Variants in CNTN5 observed in about 807,000 individuals in gnomAD.
CNTN5 encodes the protein contactin-5.
In CNTN5, 77 loss-of-function variants were observed where a neutral mutation model predicts 129.1. The observed-to-expected ratio is 0.60, with a 90% CI of 0.50 to 0.72. The LOEUF is 0.72. Among genes scored for constraint, CNTN5 ranks in the 30% least tolerant of loss-of-function variants. The pLI is 0.00. For synonymous variants in CNTN5, 509 were observed against 465.6 expected, an observed-to-expected ratio of 1.09 and a Z score of -1.20; for missense variants, 1,478 against 1,328.8, an observed-to-expected ratio of 1.11 and a Z score of -1.75.
intron 1 of CNTN5, among the ~76,000 whole-genome samples, chr11:99,291,454 T>C (rs936848283): frequency 3.3e-5 from 5 of 151,932 alleles, no homozygotes; most frequent in African/African-American, 1.2e-4. Context: ...TTGTCTTTTC[T>C]AACTACCTTT....
chr11:100,228,377 C>T (rs146931748), intron 16 of CNTN5, among the ~76,000 whole-genome samples: 2 of 152,290 alleles, frequency 1.3e-5, no homozygotes, highest in East Asian at 3.9e-4. Flanking sequence ...TGTTGGGAGA[C>T]ATCTAACTGC....
intron 6 of CNTN5, among the ~76,000 whole-genome samples, chr11:99,894,107 A>T (rs1949135466): frequency 6.6e-6 from 1 of 152,012 alleles, no homozygotes; most frequent in Non-Finnish European, 1.5e-5. Context: ...TGCTATAGTG[A>T]CTGCTGTACT....
intron 6 of CNTN5, among the ~76,000 whole-genome samples, chr11:99,887,764 C>T (rs1240420676): frequency 6.6e-6 from 1 of 152,220 alleles, no homozygotes; most frequent in African/African-American, 2.4e-5. Flanking sequence ...GCGTCCAGCA[C>T]AGGAGAAAGA....
chr11:99,619,748 C>T (rs116786086), intron 3 of CNTN5, among the ~76,000 whole-genome samples: 3,776 of 152,068 alleles, frequency 0.025, 157 homozygotes, highest in African/African-American at 0.083. Flanking sequence ...ACAAAGCTGT[C>T]GGGCGTGGTG....
At chr11:100,198,998 C>T (rs550814051) in intron 15 of CNTN5, among the ~76,000 whole-genome samples, 5 of 152,018 alleles carry the variant, frequency 3.3e-5, no homozygotes, top group Non-Finnish European at 7.4e-5. Flanking sequence ...CTGAATAGAA[C>T]ATAGTAAGTG....
At chr11:99,676,444 G>T (rs566801139) in intron 3 of CNTN5, among the ~76,000 whole-genome samples, 1 of 152,212 alleles carries the variant, frequency 6.6e-6, no homozygotes, top group Admixed American at 6.5e-5. Context: ...CACATTATGG[G>T]ATTTTTCCAA....
intron 1 of CNTN5, among the ~76,000 whole-genome samples, chr11:99,210,725 T>C (rs964664616): frequency 2.7e-5 from 4 of 145,862 alleles, no homozygotes; most frequent in African/African-American, 1.0e-4. Context: ...ATGTTATGTT[T>C]AGCTGTTCCA....
rs566133158 is a variant in CNTN5, at chr11:100,334,193, T to C, written c.2731-6270T>C. On this transcript the variant is annotated intron_variant, in intron 21 of 24. Coordinates refer to ENST00000524871, the MANE Select transcript of CNTN5 (RefSeq NM_014361.4). Reference sequence around the variant, plus strand: ...CATATGGAAAAATGCTCAACATCACTAATGATCAGGGAAATACAAATCAAA... The same window carrying C: ...CATATGGAAAAATGCTCAACATCACCAATGATCAGGGAAATACAAATCAAA... Among the ~76,000 whole-genome samples, 3 of 152,276 alleles carry C rather than the reference T, an allele frequency of 2.0e-5. No individual in the cohort carries two copies. The East Asian group carries it at 5.8e-4, about 29-fold the overall frequency.
chr11:99,785,861 A>G (rs1164046228), intron 3 of CNTN5, among the ~76,000 whole-genome samples: 2 of 152,160 alleles, frequency 1.3e-5, no homozygotes, highest in Admixed American at 6.5e-5. Flanking sequence ...ATCTCAAAAT[A>G]ATAAGAGCTA....
intron 7 of CNTN5, among the ~76,000 whole-genome samples, chr11:99,921,993 T>C (rs988830228): frequency 6.6e-6 from 1 of 152,178 alleles, no homozygotes. Context: ...TGGGAAAATA[T>C]AGTCAAAAAA....
intron 2 of CNTN5, among the ~76,000 whole-genome samples, chr11:99,437,941 T>TCCATATATTAAAA (rs1943665614): frequency 2.6e-5 from 4 of 152,242 alleles, no homozygotes; most frequent in Admixed American, 2.0e-4. Context: ...CTAATGTATT[T>TCCATATATTAAAA]TCCATATATT....
Position 99,463,166 on chromosome 11 carries a change from C to T in CNTN5, c.-70-92979C>T, listed in dbSNP as rs1241450270. Among the ~76,000 whole-genome samples, 5 of 111,052 alleles carry T rather than the reference C, an allele frequency of 4.5e-5. No individual in the cohort carries two copies. The South Asian group carries it at 8.9e-4, about 20-fold the overall frequency. The allele number at this position is 111,052 out of a possible 152,430, so 72.9% of individuals were successfully genotyped here. On this transcript the variant is annotated intron_variant, in intron 2 of 24. Transcript: ENST00000524871. Reference sequence around the variant, plus strand: ...AAATAAAAGTAAAAAAGTCCAGGCGCGGTGACTCATGCCTGTAATCCCAGC... The same window carrying T: ...AAATAAAAGTAAAAAAGTCCAGGCGTGGTGACTCATGCCTGTAATCCCAGC...
rs141800639 is a variant in CNTN5 at position 100,182,505 on chromosome 11, G to C, written c.1581-8621G>C. On this transcript the variant is annotated intron_variant, in intron 13 of 24. Coordinates refer to ENST00000524871, the MANE Select transcript of CNTN5 (RefSeq NM_014361.4). ...AATATCATCACATTGGCAATTAGAG[G>C]CTTATCATATGAATTTGAGGCAGAC... Among the ~76,000 whole-genome samples the C allele has an allele frequency of 1.6e-3, 236 of 152,040 alleles. 1 individual carries two copies. The highest frequency in any genetic ancestry group is 5.6e-3 in the African/African-American group (231 of 41,494).
At chr11:99,504,527 C>A (rs192991719) in intron 2 of CNTN5, among the ~76,000 whole-genome samples, 1,214 of 94,286 alleles carry the variant, frequency 0.013, 12 homozygotes, top group Non-Finnish European at 0.018. Context: ...CAGACTCCGT[C>A]TCAAAAAAAA....
chr11:99,439,031 A>G (rs889783400), intron 2 of CNTN5, among the ~76,000 whole-genome samples: 1 of 152,252 alleles, frequency 6.6e-6, no homozygotes, highest in Non-Finnish European at 1.5e-5. Flanking sequence ...AATAGAAGAA[A>G]ATGGGTTATA....
intron 1 of CNTN5, among the ~76,000 whole-genome samples, chr11:99,050,995 A>G (rs560452071): frequency 2.1e-4 from 32 of 152,072 alleles, no homozygotes; most frequent in African/African-American, 6.7e-4. Flanking sequence ...ATAAGCATAC[A>G]TGTATATTAC....
chr11:100,252,426 T>A (rs745364679), intron 16 of CNTN5, among the ~76,000 whole-genome samples: 1 of 152,152 alleles, frequency 6.6e-6, no homozygotes, highest in Non-Finnish European at 1.5e-5. Context: ...GGTATAATCC[T>A]ATTTGTTTAT....
chr11:100,321,072 T>C (rs1310955110), intron 21 of CNTN5, among the ~76,000 whole-genome samples: 1 of 152,162 alleles, frequency 6.6e-6, no homozygotes, highest in Non-Finnish European at 1.5e-5. Context: ...ATTTTATGAT[T>C]GTGTTTTCTA....
In CNTN5 at chr11:99,971,677, A is replaced by G. The variant is rs150590832; in HGVS notation, c.877+14668A>G. Among the ~76,000 whole-genome samples, 838 of 152,160 alleles carry G rather than the reference A, an allele frequency of 5.5e-3. 26 individuals are homozygous for G. Among genetic ancestry groups the G allele is most frequent in the Admixed American group, 0.047 (719 of 15,296 alleles). ...CCGTATCTAAGGTATTTCGCTACCC[A>G]TGAGAAAACATTATTCTCCCACAGA... On this transcript the variant is annotated intron_variant, in intron 8 of 24. Coordinates refer to ENST00000524871, the MANE Select transcript of CNTN5 (RefSeq NM_014361.4).
Sources: gnomAD v4.1 joint callset for allele counts (sites outside exome capture counted in the v4.1 genomes callset) on GRCh38, gnomAD v4.1.1 for gene constraint, MANE v1.5 for transcripts, NCBI Gene and HGNC (gene_info 2026-07-23, HGNC 2026-07-21) for gene names.